The following FRMPD4 variants were observed in gnomAD, a reference collection of about 807,000 sequenced individuals.
FRMPD4 encodes the protein FERM and PDZ domain-containing protein 4.
In FRMPD4, 22 loss-of-function variants were observed where a neutral mutation model predicts 94.1. That is an observed-to-expected ratio of 0.23 (90% CI 0.17 to 0.33). The LOEUF (loss-of-function observed/expected upper bound fraction) is 0.33, where lower values mean the gene tolerates loss of function less well. Ranked by LOEUF, FRMPD4 falls within the 10% of genes least tolerant of loss-of-function variation. FRMPD4 has a pLI of 1.00. For missense variants in FRMPD4, 1,111 were observed against 1,339.9 expected, an observed-to-expected ratio of 0.83 and a Z score of 2.67; for synonymous variants, 631 against 548.6, an observed-to-expected ratio of 1.15 and a Z score of -2.10.
rs556649704 is a variant in FRMPD4 at position 12,360,386 on chromosome X, T to C, written c.42-138294T>C. Among the ~76,000 whole-genome samples the C allele has an allele frequency of 6.3e-5, 7 of 111,886 alleles. No individual in the cohort carries two copies. In the South Asian group the frequency reaches 2.3e-3, roughly 36 times the overall value. ...AAATATATAGTTCACTGGGAACATA[T>C]GGGGATGCCTTAGTTGAGGGCAACC... On this transcript the variant is annotated intron_variant, in intron 1 of 16. Coordinates refer to ENST00000675598, the MANE Select transcript of FRMPD4 (RefSeq NM_001368397.1).
At chrX:11,835,319 A>G (rs1229045544) in intron 1 of FRMPD4, among the ~76,000 whole-genome samples, 1 of 112,052 alleles carries the variant, frequency 8.9e-6, no homozygotes, top group Non-Finnish European at 1.9e-5. Flanking sequence ...TTACTGTCAT[A>G]TTGTTCCATT....
In FRMPD4 at chrX:12,420,601, T is replaced by A. The variant is rs974132047; in HGVS notation, c.42-78079T>A. On this transcript the variant is annotated intron_variant, in intron 1 of 16. Coordinates refer to ENST00000675598, the MANE Select transcript of FRMPD4 (RefSeq NM_001368397.1). ...CATGCTGATCCTTCATCCTTCATCC[T>A]GGGCCACCATCCCTGCCCCATCCCC... Among the ~76,000 whole-genome samples the A allele has an allele frequency of 5.4e-5, 6 of 112,058 alleles. No homozygotes were observed. In the Admixed American group the frequency reaches 5.7e-4, roughly 11 times the overall value.
At chrX:12,021,624 T>G (rs2054632754) in intron 3 of FRMPD4, among the ~76,000 whole-genome samples, 2 of 111,517 alleles carry the variant, frequency 1.8e-5, no homozygotes, top group Admixed American at 9.5e-5. Flanking sequence ...CCCAAATGTG[T>G]TTTTTAAAAA....
At chrX:11,851,087 C>T (rs2053619125) in intron 1 of FRMPD4, among the ~76,000 whole-genome samples, 1 of 111,906 alleles carries the variant, frequency 8.9e-6, no homozygotes, top group Non-Finnish European at 1.9e-5. Flanking sequence ...ATGAACAGAA[C>T]TGGCACAGGT....
chrX:12,562,698 G>A lies in FRMPD4; in HGVS notation c.159-47023G>A, dbSNP rs139092777. Among the ~76,000 whole-genome samples the A allele has an allele frequency of 4.7e-3, 532 of 112,746 alleles. 2 individuals are homozygous for A. The highest frequency in any genetic ancestry group is 0.016 in the African/African-American group (509 of 31,098). On this transcript the variant is annotated intron_variant, in intron 2 of 16. Transcript: ENST00000675598. ...GCCCTTGCATGCTGAGACCCAGAGC[G>A]CTTTCTACTGAAAACATAGATTTGG...
At chrX:12,659,969 G>A (rs1255815227) in intron 4 of FRMPD4, among the ~76,000 whole-genome samples, 1 of 111,601 alleles carries the variant, frequency 9.0e-6, no homozygotes, top group Non-Finnish European at 1.9e-5. Flanking sequence ...TTATTGCAAA[G>A]GTTTACAAAA....
At chrX:12,144,440 A>AT (rs5901462) in intron 1 of FRMPD4, among the ~76,000 whole-genome samples, 214 of 101,277 alleles carry the variant, frequency 2.1e-3, no homozygotes, top group Non-Finnish European at 2.4e-3. Flanking sequence ...TAACATTCCC[A>AT]TTTTTTTTTT....
intron 3 of FRMPD4, among the ~76,000 whole-genome samples, chrX:11,922,413 A>C (rs2054062329): frequency 9.0e-6 from 1 of 111,649 alleles, no homozygotes; most frequent in Admixed American, 9.4e-5. Flanking sequence ...ACCTTTCATG[A>C]GAAACCTACC....
chrX:12,282,117 A>G (rs1439859353), intron 1 of FRMPD4, among the ~76,000 whole-genome samples: 1 of 112,324 alleles, frequency 8.9e-6, no homozygotes, highest in Non-Finnish European at 1.9e-5. Context: ...GAGTCTTGTA[A>G]ACCAATCTAA....
At position 12,301,428 on chromosome X, in the gene FRMPD4, A is replaced by G. The variant is rs773691669; in HGVS notation, c.41+162416A>G. ...ATCCACTCTGATTGCAGCAGTGGCCACCCCCAAACAATATACAGATGCTCT... is the reference window on the plus strand; with the variant it reads ...ATCCACTCTGATTGCAGCAGTGGCCGCCCCCAAACAATATACAGATGCTCT... On this transcript the variant is annotated intron_variant, in intron 1 of 16. Transcript: ENST00000675598. Among the ~76,000 whole-genome samples the G allele has an allele frequency of 3.6e-5, 4 of 110,969 alleles. No individual in the cohort carries two copies. In the East Asian group the frequency reaches 1.1e-3, roughly 31 times the overall value.
intron 2 of FRMPD4, among the ~76,000 whole-genome samples, chrX:12,592,612 CT>C (rs1375943117): frequency 2.7e-5 from 3 of 112,036 alleles, no homozygotes; most frequent in African/African-American, 9.7e-5. Context: ...ACCCTTCTTG[CT>C]TACTTCCCCT....
chrX:11,866,612 T>C (rs900742405), intron 2 of FRMPD4, among the ~76,000 whole-genome samples: 2 of 112,200 alleles, frequency 1.8e-5, no homozygotes, highest in African/African-American at 6.5e-5. Flanking sequence ...TGTATATGTA[T>C]ATAGATCATT....
At chrX:12,425,700 G>A (rs978401503) in intron 1 of FRMPD4, among the ~76,000 whole-genome samples, 1 of 111,549 alleles carries the variant, frequency 9.0e-6, no homozygotes, top group African/African-American at 3.3e-5. Flanking sequence ...CAATGCATGC[G>A]GCAACTCCCC....
intron 3 of FRMPD4, among the ~76,000 whole-genome samples, chrX:12,009,374 A>T (rs777479742): frequency 2.7e-5 from 3 of 112,604 alleles, no homozygotes; most frequent in Admixed American, 1.9e-4. Context: ...AAAACAATGT[A>T]GCTATCCAAT....
At chrX:12,077,610 G>A (rs1468070069) in intron 3 of FRMPD4, among the ~76,000 whole-genome samples, 2 of 111,893 alleles carry the variant, frequency 1.8e-5, no homozygotes, top group Non-Finnish European at 3.8e-5. Context: ...TGCAGAGAAA[G>A]TGGGTAAGGG....
At chrX:11,886,171 G>C (rs1030633499) in intron 3 of FRMPD4, among the ~76,000 whole-genome samples, 10 of 111,402 alleles carry the variant, frequency 9.0e-5, no homozygotes, top group Non-Finnish European at 1.9e-5. Context: ...AATCAGGAAG[G>C]TGTAACAAAT....
At chrX:12,217,538 G>A (rs1172081689) in intron 1 of FRMPD4, among the ~76,000 whole-genome samples, 1 of 111,968 alleles carries the variant, frequency 8.9e-6, no homozygotes, top group Non-Finnish European at 1.9e-5. Flanking sequence ...TCACCACATA[G>A]GTACTTGATA....
chrX:12,436,155 G>A (rs953928189), intron 1 of FRMPD4, among the ~76,000 whole-genome samples: 17 of 110,504 alleles, frequency 1.5e-4, no homozygotes, highest in African/African-American at 4.6e-4. Context: ...ACAGGAGCCC[G>A]CCATCACATC....
intron 3 of FRMPD4, among the ~76,000 whole-genome samples, chrX:11,954,864 G>A (rs1191077752): frequency 4.5e-5 from 5 of 110,323 alleles, no homozygotes; most frequent in Non-Finnish European, 9.5e-5. Context: ...TAGCAGAATA[G>A]GAAAGTCTTA....
Sources: allele counts gnomAD v4.1 joint callset (sites outside exome capture counted in the v4.1 genomes callset), GRCh38; gene constraint gnomAD v4.1.1; transcripts MANE v1.5; gene names NCBI Gene and HGNC (gene_info 2026-07-23, HGNC 2026-07-21).